Variants in LRIG1 observed in about 807,000 individuals in gnomAD.
LRIG1 encodes leucine-rich repeats and immunoglobulin-like domains protein 1.
In LRIG1, 48 loss-of-function variants were observed where a neutral mutation model predicts 99.2. The ratio of observed to expected loss-of-function variants is 0.48; its 90% CI spans 0.38 to 0.62. The LOEUF is 0.62. LRIG1 is among the 20% of genes least tolerant of loss of function. The pLI is 0.00. For synonymous variants in LRIG1, 772 were observed against 596.1 expected, an observed-to-expected ratio of 1.29 and a Z score of -4.30; for missense variants, 1,646 against 1,434.4, an observed-to-expected ratio of 1.15 and a Z score of -2.38.
chr3:66,381,882 C>A (rs371835019), intron 16 of LRIG1, among the ~76,000 whole-genome samples: 3 of 152,152 alleles, frequency 2.0e-5, no homozygotes, highest in Admixed American at 6.5e-5. Context: ...AGGCCCCCAC[C>A]GTTGGAAGTA....
intron 9 of LRIG1, among the ~76,000 whole-genome samples, chr3:66,402,431 T>C (rs532108476): frequency 1.3e-5 from 2 of 152,296 alleles, no homozygotes; most frequent in South Asian, 4.2e-4. Context: ...GCTGTGTGCG[T>C]AAGCTGGAAA....
intron 1 of LRIG1, among the ~76,000 whole-genome samples, chr3:66,488,470 A>C (rs1701024402): frequency 2.1e-5 from 3 of 144,904 alleles, no homozygotes; most frequent in Admixed American, 2.1e-4. Flanking sequence ...CTACTAAAAA[A>C]AAACAAAAAA....
chr3:66,453,013 T>C (rs567033071), intron 2 of LRIG1, among the ~76,000 whole-genome samples: 16 of 152,340 alleles, frequency 1.1e-4, no homozygotes, highest in Admixed American at 8.5e-4. Flanking sequence ...CTAAATCAGA[T>C]TGTTTCTGCT....
At position 66,396,548 on chromosome 3, in the gene LRIG1, C is replaced by T. The variant is rs547462772; in HGVS notation, c.1304+1564G>A. 1.2e-3 allele frequency among the ~76,000 whole-genome samples: 179 copies of T among 152,308 alleles called. 1 individual carries two copies. The highest frequency in any genetic ancestry group is 0.01 in the East Asian group (52 of 5,174). ...CTCATCTGAGGACTGGGCACAGGGCCGGCTCCAGCGAGGTATATGCAGCAA... is the reference window on the plus strand; with the variant it reads ...CTCATCTGAGGACTGGGCACAGGGCTGGCTCCAGCGAGGTATATGCAGCAA... On this transcript the variant is annotated intron_variant, in intron 11 of 18. Coordinates refer to ENST00000273261, the MANE Select transcript of LRIG1 (RefSeq NM_015541.3).
At chr3:66,481,164 C>T (rs1317234805) in intron 1 of LRIG1, among the ~76,000 whole-genome samples, 1 of 152,174 alleles carries the variant, frequency 6.6e-6, no homozygotes, top group Non-Finnish European at 1.5e-5. Context: ...CTGCCCTCGC[C>T]AGCAAAGATG....
chr3:66,453,723 G>C (rs568542371), intron 2 of LRIG1, among the ~76,000 whole-genome samples: 2 of 152,298 alleles, frequency 1.3e-5, no homozygotes, highest in East Asian at 1.9e-4. Flanking sequence ...AACCAGAGGA[G>C]AGCAGCGGGC....
chr3:66,399,390 G>A (rs1283727426), intron 9 of LRIG1, among the ~76,000 whole-genome samples: 1 of 152,214 alleles, frequency 6.6e-6, no homozygotes, highest in South Asian at 2.1e-4. Flanking sequence ...CTTGGGTGGT[G>A]AAGTTTAGTG....
intron 17 of LRIG1, 51 bp downstream of exon 17, chr3:66,381,428 C>T: frequency 2.5e-6 from 4 of 1,582,972 alleles, no homozygotes; most frequent in Non-Finnish European, 3.5e-6. Context: ...CTAGGTCAGC[C>T]CAAATTTCCA....
chr3:66,397,932 A>G (rs2107980111), intron 11 of LRIG1, among the ~76,000 whole-genome samples, 180 bp downstream of exon 11: 1 of 152,344 alleles, frequency 6.6e-6, no homozygotes, highest in Non-Finnish European at 1.5e-5. Flanking sequence ...TGTAATGTCT[A>G]TGGCTGCTTT....
chr3:66,437,051 C>G (rs1429088058), intron 3 of LRIG1, among the ~76,000 whole-genome samples: 1 of 152,194 alleles, frequency 6.6e-6, no homozygotes, highest in African/African-American at 2.4e-5. Context: ...CTCTAGAATC[C>G]AGGCACTCCT....
chr3:66,408,084 C>T (rs575922571), intron 7 of LRIG1, among the ~76,000 whole-genome samples: 2 of 152,200 alleles, frequency 1.3e-5, no homozygotes, highest in African/African-American at 2.4e-5. Context: ...CTACTGCAGG[C>T]GGTAAAAGCA....
At chr3:66,472,800 CCCTTCCCT>C (rs1229615603) in intron 1 of LRIG1, among the ~76,000 whole-genome samples, 2 of 152,112 alleles carry the variant, frequency 1.3e-5, no homozygotes, top group African/African-American at 4.8e-5. Context: ...AACAAAAAAC[CCCTTCCCT>C]CCATCTGAGT....
Position 66,454,964 on chromosome 3 carries a change from C to T in LRIG1, c.291-3331G>A, listed in dbSNP as rs147725735. Reference sequence around the variant, plus strand: ...AATTGTGCTTGTCTTTTTTCTGAGACGGAGTCTCGCTCTGTGGTGGCCCAG... The same window carrying T: ...AATTGTGCTTGTCTTTTTTCTGAGATGGAGTCTCGCTCTGTGGTGGCCCAG... On this transcript the variant is annotated intron_variant, in intron 2 of 18. Coordinates refer to ENST00000273261, the MANE Select transcript of LRIG1 (RefSeq NM_015541.3). Among the ~76,000 whole-genome samples, 692 of 152,250 alleles carry T rather than the reference C, an allele frequency of 4.5e-3. 4 individuals carry two copies. Among genetic ancestry groups the T allele is most frequent in the Non-Finnish European group, 8.1e-3 (553 of 68,010 alleles).
At chr3:66,435,614 C>T (rs1286824845) in intron 3 of LRIG1, among the ~76,000 whole-genome samples, 1 of 151,964 alleles carries the variant, frequency 6.6e-6, no homozygotes. Context: ...GGTGTGAGGG[C>T]AAGAAGTAAA....
At chr3:66,422,858 G>A (rs1160059831) in intron 3 of LRIG1, among the ~76,000 whole-genome samples, 1 of 152,234 alleles carries the variant, frequency 6.6e-6, no homozygotes, top group African/African-American at 2.4e-5. Context: ...GGCTGGAGAG[G>A]CCTCACAATC....
At chr3:66,408,962 G>GTGTGTGTGT (rs1553715390) in intron 7 of LRIG1, among the ~76,000 whole-genome samples, 320 of 102,972 alleles carry the variant, frequency 3.1e-3, no homozygotes, top group East Asian at 0.011. Flanking sequence ...GTGTGTGTGT[G>GTGTGTGTGT]GTGGGGGGAG....
intron 1 of LRIG1, among the ~76,000 whole-genome samples, chr3:66,462,767 T>C (rs1289004982): frequency 6.6e-6 from 1 of 152,164 alleles, no homozygotes; most frequent in Non-Finnish European, 1.5e-5. Flanking sequence ...TTTAACAACT[T>C]GGAAAGAAAT....
chr3:66,449,567 G>T (rs1057416436), intron 3 of LRIG1, among the ~76,000 whole-genome samples: 5 of 152,206 alleles, frequency 3.3e-5, no homozygotes, highest in African/African-American at 2.4e-5. Context: ...GCAGAGCAAG[G>T]TGCAATTCTA....
At chr3:66,416,941 G>A (rs6786813) in intron 4 of LRIG1, among the ~76,000 whole-genome samples, 188 bp downstream of exon 4, 37,100 of 152,156 alleles carry the variant, frequency 0.24, 4,634 homozygotes, top group Admixed American at 0.3. Flanking sequence ...GGATCTGGAC[G>A]TGCTCTATGC....
Sources: gnomAD v4.1 joint callset for allele counts (sites outside exome capture counted in the v4.1 genomes callset) on GRCh38, gnomAD v4.1.1 for gene constraint, MANE v1.5 for transcripts, NCBI Gene and HGNC (gene_info 2026-07-23, HGNC 2026-07-21) for gene names.